Variants in AMER2 observed in about 807,000 individuals in gnomAD.
The protein encoded by AMER2 is APC membrane recruitment protein 2, also known as family with sequence similarity 123A.
A neutral mutation model predicts 4.7 loss-of-function variants in AMER2; 1 was observed. The observed-to-expected ratio is 0.21, with a 90% confidence interval of 0.07 to 1.00. The LOEUF (loss-of-function observed/expected upper bound fraction) is 1.00, where lower values mean the gene tolerates loss of function less well. Among genes scored for constraint, AMER2 ranks in the 50% least tolerant of loss-of-function variants. The pLI, the probability that AMER2 is intolerant of heterozygous loss-of-function variation, is 0.60. For missense variants in AMER2, 988 were observed against 966.9 expected (o/e 1.02, Z -0.29); for synonymous variants, 485 against 433.3 (o/e 1.12, Z -1.48).
chr13:25,168,064 C>G lies in AMER2; in HGVS notation c.*1540G>C, dbSNP rs1434251007. 6.6e-6 allele frequency: 1 copy of G among 152,172 alleles called. No individual in the cohort carries two copies. Among genetic ancestry groups the G allele is most frequent in the Non-Finnish European group, 1.5e-5 (1 of 68,024 alleles). 9.4% of individuals were successfully genotyped at this position (152,172 alleles called of 1,614,324 possible). A position where few individuals can be genotyped will look rare whatever the true frequency, so the allele number is the denominator to read the frequency against. On this transcript the variant is annotated 3_prime_UTR_variant, in exon 1 of 1. Coordinates refer to ENST00000515384, the MANE Select transcript of AMER2 (RefSeq NM_152704.4). ...AGCTCTGGTCTTTTGATTAAATACA[C>G]TGAAGTGTATTTCAAAAAGGATATT...
chr13:25,170,887 C>T lies in AMER2; in HGVS notation c.733G>A (p.Ala245Thr). The change falls in exon 1 of 1, where the codon GCG becomes ACG. Residue 245 changes from alanine to threonine, a missense_variant. By Grantham distance (58) the Ala-to-Thr change is moderately conservative. Coordinates refer to ENST00000515384, the MANE Select transcript of AMER2 (RefSeq NM_152704.4). This position sits in a 1 kb window ranked among gnomAD's most constrained non-coding sequence, Gnocchi z 7.3. ...TGGCTGGGCTCCTCCGGCTCGCGCGCGGCTCTGGGCGTCTCCTCCTTGACG... is the reference window on the plus strand; with the variant it reads ...TGGCTGGGCTCCTCCGGCTCGCGCGTGGCTCTGGGCGTCTCCTCCTTGACG... Reference protein sequence around the residue: ...ECVKEETPRAAREPEEPSQDA... With the variant: ...ECVKEETPRATREPEEPSQDA... 2 of 1,452,704 alleles carry T rather than the reference C, an allele frequency of 1.4e-6. No homozygotes were observed. The highest frequency in any genetic ancestry group is 1.8e-6 in the Non-Finnish European group (2 of 1,110,938). 90.0% of individuals were successfully genotyped at this position (1,452,704 alleles called of 1,614,324 possible).
In AMER2 at chr13:25,168,430, A is replaced by G. The variant is rs567244783; in HGVS notation, c.*1174T>C. The G allele has an allele frequency of 6.6e-6, 1 of 151,550 alleles. No individual in the cohort carries two copies. The highest frequency in any genetic ancestry group is 2.1e-4 in the South Asian group (1 of 4,808). The allele number at this position is 151,550 out of a possible 1,614,324, so 9.4% of individuals were successfully genotyped here. A position where few individuals can be genotyped will look rare whatever the true frequency, so the allele number is the denominator to read the frequency against. On this transcript the variant is annotated 3_prime_UTR_variant, in exon 1 of 1. Transcript: ENST00000515384. ...GGATCTGAAATTTTACAATCAAGGT[A>G]AAAAAAAATCTGAAAACAGGGTTTG...
rs1242172425 is a variant in AMER2, at chr13:25,168,549, C to T, written c.*1055G>A. 4.7e-5 allele frequency: 7 copies of T among 150,408 alleles called. No individual in the cohort carries two copies. The highest frequency in any genetic ancestry group is 4.6e-4 in the Admixed American group (7 of 15,092). The allele number at this position is 150,408 out of a possible 1,614,324, so 9.3% of individuals were successfully genotyped here. A position where few individuals can be genotyped will look rare whatever the true frequency, so the allele number is the denominator to read the frequency against. On this transcript the variant is annotated 3_prime_UTR_variant, in exon 1 of 1. Coordinates refer to ENST00000515384, the MANE Select transcript of AMER2 (RefSeq NM_152704.4). Reference sequence around the variant, plus strand: ...TTTTTTTTTTTTGAGAACCAGAGAACCCATATAAAACAAAATCAGAATCGC... The same window carrying T: ...TTTTTTTTTTTTGAGAACCAGAGAATCCATATAAAACAAAATCAGAATCGC...
chr13:25,171,220 C>G lies in AMER2; in HGVS notation c.400G>C (p.Gly134Arg). ...GGGGGCCCCGGGTTCGGCCGCCCCCCGCCGCCCCCGCCGCTGTCGCCCCCG... is the reference window on the plus strand; with the variant it reads ...GGGGGCCCCGGGTTCGGCCGCCCCCGGCCGCCCCCGCCGCTGTCGCCCCCG... Reference protein sequence around the residue: ...RGGGDSGGGGGGRPNPGPPRA... With the variant: ...RGGGDSGGGGRGRPNPGPPRA... Residue 134 changes from glycine (G) to arginine (R), a missense_variant, in exon 1 of 1, where the codon GGG becomes CGG. Gly to Arg is a moderately radical substitution (Grantham distance 125). Coordinates refer to ENST00000515384, the MANE Select transcript of AMER2 (RefSeq NM_152704.4). This position sits in a 1 kb window ranked among gnomAD's most constrained non-coding sequence, Gnocchi z 5.9. The G allele has an allele frequency of 7.3e-7, 1 of 1,372,390 alleles. No homozygotes were observed. The highest frequency in any genetic ancestry group is 9.4e-7 in the Non-Finnish European group (1 of 1,067,880). The allele number at this position is 1,372,390 out of a possible 1,614,324, so 85.0% of individuals were successfully genotyped here.
rs978915206 is a variant in AMER2 at position 25,162,714 on chromosome 13, T to C, written c.*6890A>G. On this transcript the variant is annotated 3_prime_UTR_variant, in exon 1 of 1. Transcript: ENST00000515384. ...AGGTCTGAGAGTATCTGAGAAGGTATAGTATGTCTCAGGTAACCAGAAACC... is the reference window on the plus strand; with the variant it reads ...AGGTCTGAGAGTATCTGAGAAGGTACAGTATGTCTCAGGTAACCAGAAACC... The C allele has an allele frequency of 6.6e-6, 1 of 152,244 alleles. No individual in the cohort carries two copies. The highest frequency in any genetic ancestry group is 2.4e-5 in the African/African-American group (1 of 41,470). 9.4% of individuals were successfully genotyped at this position (152,244 alleles called of 1,614,324 possible). A position where few individuals can be genotyped will look rare whatever the true frequency, so the allele number is the denominator to read the frequency against.
rs192459927 is a variant in AMER2 at position 25,166,839 on chromosome 13, T to C, written c.*2765A>G. ...AGCAACTATGATCCCTTTTCTATGG[T>C]TGGAAAAAGTTGAGAATCTACTCTT... On this transcript the variant is annotated 3_prime_UTR_variant, in exon 1 of 1. Coordinates refer to ENST00000515384, the MANE Select transcript of AMER2 (RefSeq NM_152704.4). 1 of 152,246 alleles carries C rather than the reference T, an allele frequency of 6.6e-6. No homozygotes were observed. Among genetic ancestry groups the C allele is most frequent in the Non-Finnish European group, 1.5e-5 (1 of 67,994 alleles). 9.4% of individuals were successfully genotyped at this position (152,246 alleles called of 1,614,324 possible).
chr13:25,167,029 A>G lies in AMER2; in HGVS notation c.*2575T>C, dbSNP rs1194488972. On this transcript the variant is annotated 3_prime_UTR_variant, in exon 1 of 1. Coordinates refer to ENST00000515384, the MANE Select transcript of AMER2 (RefSeq NM_152704.4). ...ATTTTATATCTTTTATAACTGGTTAATTGACAGGTCAGTGGAAATTAAGAT... is the reference window on the plus strand; with the variant it reads ...ATTTTATATCTTTTATAACTGGTTAGTTGACAGGTCAGTGGAAATTAAGAT... 1 of 152,198 alleles carries G rather than the reference A, an allele frequency of 6.6e-6. No individual in the cohort carries two copies. Among genetic ancestry groups the G allele is most frequent in the African/African-American group, 2.4e-5 (1 of 41,460 alleles). 9.4% of individuals were successfully genotyped at this position (152,198 alleles called of 1,614,324 possible).
Position 25,171,287 on chromosome 13 carries a change from C to A in AMER2, c.333G>T (p.Glu111Asp), listed in dbSNP as rs769570249. The change falls in exon 1 of 1, where the codon GAG (glutamate) becomes GAT (aspartate). Residue 111 changes from glutamate (E) to aspartate (D), a missense_variant. By Grantham distance (45) the Glu-to-Asp change is conservative (BLOSUM62 2). Transcript: ENST00000515384. This position sits in a 1 kb window ranked among gnomAD's most constrained non-coding sequence, Gnocchi z 5.9. ...TCCTGCCGCTCTCCAGCACCAGCAC[C>A]TCGGCAAGTCCGTCGTGGGTCCTGC... ...VRSRTHDGLA[E>D]VLVLESGRKE... is the part of the protein sequence containing the mutation. 1.3e-6 allele frequency: 2 copies of A among 1,575,740 alleles called. No individual in the cohort carries two copies. Among genetic ancestry groups the A allele is most frequent in the African/African-American group, 1.4e-5 (1 of 70,946 alleles).
In AMER2 at chr13:25,170,984, C is replaced by T. The variant is rs747293486; in HGVS notation, c.636G>A (p.Ala212=). 1.7e-5 allele frequency: 26 copies of T among 1,554,488 alleles called. No homozygotes were observed. Among genetic ancestry groups the T allele is most frequent in the Non-Finnish European group, 2.2e-5 (25 of 1,151,906 alleles). ...RWHRKDKRAK[A]EAAEGRAPGG... Reference sequence around the variant, plus strand: ...CGGGCGCGCGCCCCTCCGCGGCCTCCGCCTTGGCCCGCTTGTCTTTCCTGT... The same window carrying T: ...CGGGCGCGCGCCCCTCCGCGGCCTCTGCCTTGGCCCGCTTGTCTTTCCTGT... Residue 212 remains alanine (A), a synonymous_variant, in exon 1 of 1, where the codon GCG becomes GCA. Coordinates refer to ENST00000515384, the MANE Select transcript of AMER2 (RefSeq NM_152704.4). This position sits in a 1 kb window ranked among gnomAD's most constrained non-coding sequence, Gnocchi z 7.3.
At position 25,171,095 on chromosome 13, in the gene AMER2, G is replaced by A; in HGVS notation, c.525C>T (p.Asn175=). ...SLLKKNGRSE[N]GKGEPVDASK... ...TCGCGTCCACAGGCTCTCCCTTGCC[G>A]TTTTCCGAGCGCCCGTTCTTCTTCA... Residue 175 remains asparagine, a synonymous_variant, in exon 1 of 1, where the codon AAC becomes AAT. Transcript: ENST00000515384. The surrounding 1 kb of genome is among the most constrained non-coding windows in gnomAD (Gnocchi z 5.9). The A allele has an allele frequency of 1.3e-6, 2 of 1,566,116 alleles. No homozygotes were observed. The highest frequency in any genetic ancestry group is 2.6e-5 in the East Asian group (1 of 38,680).
chr13:25,171,892 A>C lies in AMER2; in HGVS notation c.-273T>G. 2.0e-6 allele frequency: 1 copy of C among 498,896 alleles called. No individual in the cohort carries two copies. Among genetic ancestry groups the C allele is most frequent in the East Asian group, 3.7e-5 (1 of 26,742 alleles). 30.9% of individuals were successfully genotyped at this position (498,896 alleles called of 1,614,324 possible). A position where few individuals can be genotyped will look rare whatever the true frequency, so the allele number is the denominator to read the frequency against. On this transcript the variant is annotated 5_prime_UTR_variant, in exon 1 of 1. Transcript: ENST00000515384. This position sits in a 1 kb window ranked among gnomAD's most constrained non-coding sequence, Gnocchi z 5.9. ...TTCGAGTCGTAATTATGGAATTCAAATTCCCTCAACTCTCACCCACCTTCG... is the reference window on the plus strand; with the variant it reads ...TTCGAGTCGTAATTATGGAATTCAACTTCCCTCAACTCTCACCCACCTTCG...
Position 25,164,806 on chromosome 13 carries a change from T to A in AMER2, c.*4798A>T, listed in dbSNP as rs1956458532. ...AGAGGCATTTGTGTGGCTTAATTCA[T>A]AGTGCCCTTCTTCAACTTCACACCA... is the stretch of plus-strand genomic sequence containing the variant. On this transcript the variant is annotated 3_prime_UTR_variant, in exon 1 of 1. Transcript: ENST00000515384. 6.6e-6 allele frequency: 1 copy of A among 152,238 alleles called. No homozygotes were observed. Among genetic ancestry groups the A allele is most frequent in the African/African-American group, 2.4e-5 (1 of 41,444 alleles). 9.4% of individuals were successfully genotyped at this position (152,238 alleles called of 1,614,324 possible). A position where few individuals can be genotyped will look rare whatever the true frequency, so the allele number is the denominator to read the frequency against.
In AMER2 at chr13:25,171,253, G is replaced by T; in HGVS notation, c.367C>A (p.Pro123Thr). The T allele has an allele frequency of 1.4e-6, 2 of 1,445,870 alleles. No individual in the cohort carries two copies. The highest frequency in any genetic ancestry group is 1.8e-6 in the Non-Finnish European group (2 of 1,102,176). 89.6% of individuals were successfully genotyped at this position (1,445,870 alleles called of 1,614,324 possible). A position where few individuals can be genotyped will look rare whatever the true frequency, so the allele number is the denominator to read the frequency against. ...LVLESGRKEE[P>T]RGGGDSGGGG... The stretch of plus-strand genomic sequence containing the variant: ...CCGCCGCTGTCGCCCCCGCCGCGCG[G>T]CTCCTCCTTCCTGCCGCTCTCCAGC... The change falls in exon 1 of 1, where the codon CCG becomes ACG. Residue 123 changes from proline (P) to threonine (T), a missense_variant. By Grantham distance (38) the Pro-to-Thr change is conservative. Transcript: ENST00000515384. The surrounding 1 kb of genome is among the most constrained non-coding windows in gnomAD (Gnocchi z 5.9).
rs1300988287 is a variant in AMER2 at position 25,171,369 on chromosome 13, A to G, written c.251T>C (p.Phe84Ser). The G allele has an allele frequency of 1.2e-5, 19 of 1,612,282 alleles. No individual in the cohort carries two copies. Among genetic ancestry groups the G allele is most frequent in the Non-Finnish European group, 1.6e-5 (19 of 1,179,510 alleles). ...CCCGTCCCCTTTGTTTTTGACCCCA[A>G]AAATGCTGGGCATGGTGCCACCCGA... ...RKSGGTMPSI[F>S]GVKNKGDGKS... Residue 84 changes from phenylalanine to serine, a missense_variant, in exon 1 of 1, where the codon TTT becomes TCT. Transcript: ENST00000515384. This position sits in a 1 kb window ranked among gnomAD's most constrained non-coding sequence, Gnocchi z 5.9.
chr13:25,162,170 T>C lies in AMER2; in HGVS notation c.*7434A>G, dbSNP rs1185981523. On this transcript the variant is annotated 3_prime_UTR_variant, in exon 1 of 1. Coordinates refer to ENST00000515384, the MANE Select transcript of AMER2 (RefSeq NM_152704.4). ...CTGCCAAAACCTGTCCTCAAAGACA[T>C]GCCTGACTTTCAGGAAAGCTAATTA... 6.6e-6 allele frequency: 1 copy of C among 152,192 alleles called. No individual in the cohort carries two copies. The highest frequency in any genetic ancestry group is 2.4e-5 in the African/African-American group (1 of 41,442). 9.4% of individuals were successfully genotyped at this position (152,192 alleles called of 1,614,324 possible).
chr13:25,171,109 C>G lies in AMER2; in HGVS notation c.511G>C (p.Gly171Arg). 1 of 1,563,836 alleles carries G rather than the reference C, an allele frequency of 6.4e-7. No individual in the cohort carries two copies. Among genetic ancestry groups the G allele is most frequent in the South Asian group, 1.2e-5 (1 of 86,414 alleles). ...HSFFSLLKKNGRSENGKGEPV... is the reference protein window; with the variant it reads ...HSFFSLLKKNRRSENGKGEPV... The stretch of plus-strand genomic sequence containing the variant: ...TCTCCCTTGCCGTTTTCCGAGCGCC[C>G]GTTCTTCTTCAGCAGCGAGAAGAAG... The change falls in exon 1 of 1, where the codon GGG becomes CGG. Residue 171 changes from glycine (G) to arginine (R), a missense_variant. Physicochemically the swap from Gly to Arg is moderately radical, Grantham distance 125 (BLOSUM62 -2). Transcript: ENST00000515384. This position sits in a 1 kb window ranked among gnomAD's most constrained non-coding sequence, Gnocchi z 5.9.
rs768072285 is a variant in AMER2 at position 25,170,401 on chromosome 13, C to A, written c.1219G>T (p.Ala407Ser). 18 of 1,613,954 alleles carry A rather than the reference C, an allele frequency of 1.1e-5. No individual in the cohort carries two copies. Among genetic ancestry groups the A allele is most frequent in the Non-Finnish European group, 1.4e-5 (16 of 1,179,980 alleles). ...ACGCCGGGGTTCTTTTTAGACAGAG[C>A]CGGCTTGCCTGGCCCGGGGACATGC... The part of the protein sequence containing the change: ...DKHVPGPGKP[A>S]LSKKNPGVVA... Residue 407 changes from alanine to serine, a missense_variant, in exon 1 of 1, where the codon GCT (alanine) becomes TCT (serine). Physicochemically the swap from Ala to Ser is moderately conservative, Grantham distance 99. Transcript: ENST00000515384. The surrounding 1 kb of genome is among the most constrained non-coding windows in gnomAD (Gnocchi z 7.3).
chr13:25,166,468 G>A lies in AMER2; in HGVS notation c.*3136C>T, dbSNP rs1956480482. 6.6e-6 allele frequency: 1 copy of A among 152,194 alleles called. No homozygotes were observed. Among genetic ancestry groups the A allele is most frequent in the South Asian group, 2.1e-4 (1 of 4,832 alleles). The allele number at this position is 152,194 out of a possible 1,614,324, so 9.4% of individuals were successfully genotyped here. A position where few individuals can be genotyped will look rare whatever the true frequency, so the allele number is the denominator to read the frequency against. ...GAGTGTTTCAAATAACAGTGTATGT[G>A]TAATATAGACATTCAAGTCAGGCTG... On this transcript the variant is annotated 3_prime_UTR_variant, in exon 1 of 1. Transcript: ENST00000515384.
In AMER2 at chr13:25,168,191, A is replaced by T. The variant is rs550349593; in HGVS notation, c.*1413T>A. The T allele has an allele frequency of 6.6e-6, 1 of 152,364 alleles. No individual in the cohort carries two copies. Among genetic ancestry groups the T allele is most frequent in the South Asian group, 2.1e-4 (1 of 4,832 alleles). 9.4% of individuals were successfully genotyped at this position (152,364 alleles called of 1,614,324 possible). A position where few individuals can be genotyped will look rare whatever the true frequency, so the allele number is the denominator to read the frequency against. On this transcript the variant is annotated 3_prime_UTR_variant, in exon 1 of 1. Coordinates refer to ENST00000515384, the MANE Select transcript of AMER2 (RefSeq NM_152704.4). The stretch of plus-strand genomic sequence containing the variant: ...TTCTGAAATAAATGTTTCATCTGAA[A>T]TATTAGAAAACATACATAGAAGCAA...
Sources: gnomAD v4.1 joint callset for allele counts on GRCh38, gnomAD v4.1.1 for gene constraint, Gnocchi (gnomAD v3.1) non-coding constraint, MANE v1.5 for transcripts, NCBI Gene and HGNC (gene_info 2026-07-23, HGNC 2026-07-21) for gene names.